DDX60L: variants seen among roughly 807,000 people sequenced by gnomAD.
DDX60L encodes the protein probable ATP-dependent RNA helicase DDX60-like.
DDX60L carries 191 observed loss-of-function variants against 211.6 expected under a neutral mutation model. The ratio of observed to expected loss-of-function variants is 0.90; its 90% CI spans 0.80 to 1.02. DDX60L has a LOEUF of 1.02. DDX60L is among the 50% of genes least tolerant of loss of function. DDX60L has a pLI of 0.00. For synonymous variants in DDX60L, 706 were observed against 694.1 expected (o/e 1.02, Z -0.27); for missense variants, 2,007 against 1,984.1 (o/e 1.01, Z -0.22).
intron 19 of DDX60L, 107 bp downstream of exon 19, chr4:168,419,195 C>A: frequency 1.5e-6 from 1 of 681,440 alleles, no homozygotes. Flanking sequence ...CCCTGGCTGA[C>A]GCACAACTTA....
chr4:168,369,488 A>AAAAAAAAAAAAAAAAAAC (rs1560928237), intron 36 of DDX60L, among the ~76,000 whole-genome samples: 4 of 146,986 alleles, frequency 2.7e-5, no homozygotes, highest in Non-Finnish European at 6.0e-5. Flanking sequence ...AAAAACAAAA[A>AAAAAAAAAAAAAAAAAAC]AAAAAAAACA....
Position 168,454,441 on chromosome 4 carries a change from CAG to C in DDX60L, c.838-1161_838-1160del, listed in dbSNP as rs545964772. Reference sequence around the variant, plus strand: ...TATATGTATAAAATTGGGATAGTAACAGTACACTTTCTCATAGGGTTTCTGGA... The same window carrying C: ...TATATGTATAAAATTGGGATAGTAACTACACTTTCTCATAGGGTTTCTGGA... On this transcript the variant is annotated intron_variant, in intron 7 of 37. Coordinates refer to ENST00000682922, the MANE Select transcript of DDX60L (RefSeq NM_001012967.3). Among the ~76,000 whole-genome samples the C allele has an allele frequency of 3.6e-3, 552 of 152,210 alleles. 2 individuals are homozygous for C. Among genetic ancestry groups the C allele is most frequent in the African/African-American group, 0.013 (531 of 41,534 alleles).
chr4:168,447,993 C>A (rs898480923), intron 9 of DDX60L, among the ~76,000 whole-genome samples: 7 of 150,514 alleles, frequency 4.7e-5, no homozygotes, highest in African/African-American at 1.5e-4. Flanking sequence ...CTAACCTGCA[C>A]AATGTGCACA....
chr4:168,460,987 G>A (rs1187658227), intron 5 of DDX60L, among the ~76,000 whole-genome samples: 1 of 152,176 alleles, frequency 6.6e-6, no homozygotes, highest in African/African-American at 2.4e-5. Flanking sequence ...TGAGAAGAGG[G>A]GCAGATGGCC....
At chr4:168,365,797 T>C (rs1011012294) in intron 36 of DDX60L, among the ~76,000 whole-genome samples, 1 of 151,990 alleles carries the variant, frequency 6.6e-6, no homozygotes, top group Non-Finnish European at 1.5e-5. Flanking sequence ...GCAAACCAAA[T>C]TCAAAAGCAC....
At chr4:168,474,213 G>A (rs755941623) in intron 1 of DDX60L, among the ~76,000 whole-genome samples, 7 of 152,188 alleles carry the variant, frequency 4.6e-5, no homozygotes, top group Non-Finnish European at 8.8e-5. Context: ...CCAAGAAAGT[G>A]ACATTTCAGA....
chr4:168,466,297 A>G (rs1190520364), intron 4 of DDX60L, among the ~76,000 whole-genome samples: 2 of 152,164 alleles, frequency 1.3e-5, no homozygotes, highest in African/African-American at 2.4e-5. Context: ...ATAAATCACT[A>G]ACTAGATTAA....
At chr4:168,429,719 G>A (rs575401754) in intron 13 of DDX60L, among the ~76,000 whole-genome samples, 18 of 152,324 alleles carry the variant, frequency 1.2e-4, no homozygotes, top group Admixed American at 3.3e-4. Flanking sequence ...GGAGGTGACT[G>A]CATCATGGGG....
chr4:168,375,586 G>C (rs745806283), intron 33 of DDX60L, 62 bp from the exon 34 acceptor site: 9 of 1,434,292 alleles, frequency 6.3e-6, no homozygotes, highest in African/African-American at 1.5e-5. Context: ...TAAACTGCTT[G>C]GTGATAAGAT....
chr4:168,438,557 G>C (rs1005458061), intron 10 of DDX60L, among the ~76,000 whole-genome samples: 1 of 152,178 alleles, frequency 6.6e-6, no homozygotes, highest in Non-Finnish European at 1.5e-5. Context: ...TAACAGTTTG[G>C]TTTTTAATTC....
In DDX60L at chr4:168,433,002, C is replaced by A; in HGVS notation, c.1400+8G>T. The A allele has an allele frequency of 6.4e-7, 1 of 1,570,944 alleles. No individual in the cohort carries two copies. Among genetic ancestry groups the A allele is most frequent in the Non-Finnish European group, 8.7e-7 (1 of 1,146,922 alleles). On this transcript the variant is annotated splice_region_variant and intron_variant, in intron 11 of 37. Coordinates refer to ENST00000682922, the MANE Select transcript of DDX60L (RefSeq NM_001012967.3). ...GGCACTAAATCAGGTACTTCATTAA[C>A]TCTGTACCTCTTTAGAATAGGCAAA...
At chr4:168,470,466 A>G (rs1033348049) in intron 4 of DDX60L, 4 of 152,238 alleles carry the variant, frequency 2.6e-5, no homozygotes, top group Non-Finnish European at 5.9e-5. Flanking sequence ...ACCTTACTCA[A>G]AAGTGATAAA....
In DDX60L at chr4:168,456,669, A is replaced by G. The variant is rs115072099; in HGVS notation, c.724-517T>C. ...ACAACGTCCATCAGGATCATTAAAT[A>G]TGTTGATGCCTTATGATCCAGTTTT... On this transcript the variant is annotated intron_variant, in intron 6 of 37. Transcript: ENST00000682922. Among the ~76,000 whole-genome samples the G allele has an allele frequency of 9.4e-4, 143 of 152,290 alleles. 1 individual carries two copies. Among genetic ancestry groups the G allele is most frequent in the Middle Eastern group, 3.4e-3 (1 of 294 alleles).
chr4:168,382,193 T>C (rs1489230), intron 30 of DDX60L, among the ~76,000 whole-genome samples: 140,013 of 152,268 alleles, frequency 0.92, 65,508 homozygotes, highest in East Asian at 1. Flanking sequence ...TGGGGTTACA[T>C]CCCCCAAAAT....
chr4:168,460,615 C>G (rs1248967184), intron 5 of DDX60L, among the ~76,000 whole-genome samples: 1 of 150,642 alleles, frequency 6.6e-6, no homozygotes, highest in Admixed American at 6.6e-5. Context: ...TTACTTATAA[C>G]ACTAACAAAA....
At chr4:168,441,649 T>C (rs1431318566) in intron 9 of DDX60L, among the ~76,000 whole-genome samples, 157 bp from the exon 10 acceptor site, 1 of 152,160 alleles carries the variant, frequency 6.6e-6, no homozygotes, top group Non-Finnish European at 1.5e-5. Context: ...AAATTAGTCA[T>C]GACACTATGA....
chr4:168,443,246 C>G (rs916849089), intron 9 of DDX60L, among the ~76,000 whole-genome samples: 4 of 151,984 alleles, frequency 2.6e-5, no homozygotes, highest in African/African-American at 9.7e-5. Flanking sequence ...GCCTCAGGAG[C>G]CGATGCGATC....
Position 168,419,381 on chromosome 4 carries a change from G to A in DDX60L, c.2531C>T (p.Pro844Leu), listed in dbSNP as rs201083346. ...VLNCQVLITV[P>L]ECFEILLLAP... ...AAGCAACAGGATTTCAAAACATTCC[G>A]GCACTGTAATAAGTACCTACAAATA... Residue 844 changes from proline (P) to leucine (L), a missense_variant, in exon 19 of 38, where the codon CCG becomes CTG. Pro to Leu is a moderately conservative substitution (Grantham distance 98). Transcript: ENST00000682922. The A allele has an allele frequency of 7.4e-5, 118 of 1,588,262 alleles. No homozygotes were observed. The highest frequency in any genetic ancestry group is 9.8e-5 in the Non-Finnish European group (114 of 1,165,584).
intron 1 of DDX60L, 67 bp from the exon 2 acceptor site, chr4:168,472,876 G>T (rs1411345815): frequency 3.1e-6 from 2 of 640,336 alleles, no homozygotes; most frequent in Admixed American, 3.3e-5. Context: ...AAAAAATATG[G>T]TTACATTTTC....
Sources: gnomAD v4.1 joint callset for allele counts (sites outside exome capture counted in the v4.1 genomes callset) on GRCh38, gnomAD v4.1.1 for gene constraint, MANE v1.5 for transcripts, NCBI Gene and HGNC (gene_info 2026-07-23, HGNC 2026-07-21) for gene names.